The following FILIP1L variants were observed in gnomAD, a reference collection of about 807,000 sequenced individuals.
FILIP1L encodes filamin A interacting protein 1 like.
Under a neutral mutation model 96.6 loss-of-function variants are expected in FILIP1L, and 55 were observed. The ratio of observed to expected loss-of-function variants is 0.57; its 90% CI spans 0.46 to 0.71. FILIP1L has a LOEUF of 0.71. Among genes scored for constraint, FILIP1L ranks in the 30% least tolerant of loss-of-function variants. The pLI, the probability that FILIP1L is intolerant of heterozygous loss-of-function variation, is 0.00. For missense variants in FILIP1L, 1,304 were observed against 1,321.2 expected (o/e 0.99, Z 0.20); for synonymous variants, 467 against 473.9 (o/e 0.99, Z 0.19).
chr3:99,922,530 A>G (rs942166398), intron 4 of FILIP1L, among the ~76,000 whole-genome samples: 5 of 152,218 alleles, frequency 3.3e-5, no homozygotes, highest in Non-Finnish European at 7.3e-5. Context: ...AAAAATGCCT[A>G]CCATAAAGTA....
At chr3:99,846,999 C>T (rs1444228540) in intron 5 of FILIP1L, among the ~76,000 whole-genome samples, 2 of 152,126 alleles carry the variant, frequency 1.3e-5, no homozygotes, top group African/African-American at 2.4e-5. Flanking sequence ...TATGGATTAT[C>T]CCCAGGGACT....
intron 1 of FILIP1L, among the ~76,000 whole-genome samples, chr3:99,954,835 G>GA (rs575824107): frequency 0.019 from 2,721 of 145,946 alleles, 50 homozygotes; most frequent in East Asian, 0.1. Context: ...CAAAAAAAAA[G>GA]AAAAAAAAAA....
At chr3:99,980,344 A>G (rs1035059253) in intron 1 of FILIP1L, among the ~76,000 whole-genome samples, 1 of 152,150 alleles carries the variant, frequency 6.6e-6, no homozygotes, top group African/African-American at 2.4e-5. Flanking sequence ...GAAGTCTTGC[A>G]TTGGATGTTT....
intron 1 of FILIP1L, among the ~76,000 whole-genome samples, chr3:100,016,059 A>T (rs1213018800): frequency 6.6e-6 from 1 of 152,150 alleles, no homozygotes; most frequent in East Asian, 1.9e-4. Flanking sequence ...ATGACCCAAG[A>T]TTATTATTCA....
chr3:99,875,997 C>T, intron 4 of FILIP1L: 1 of 939,090 alleles, frequency 1.1e-6, no homozygotes. Flanking sequence ...GCTTTAACAG[C>T]CACCCACAGA....
Position 99,850,072 on chromosome 3 carries a change from A to G in FILIP1L, c.1604T>C (p.Val535Ala). 1 of 1,612,582 alleles carries G rather than the reference A, an allele frequency of 6.2e-7. No individual in the cohort carries two copies. Among genetic ancestry groups the G allele is most frequent in the Non-Finnish European group, 8.5e-7 (1 of 1,179,676 alleles). ...AGTTTCCTCAATTAACTTCTCAGTA[A>G]CTGTTGTTACTTTATTTTGCTCCAC... ...LQVEQNKVTT[V>A]TEKLIEETKR... The change falls in exon 5 of 6, where the codon GTT (valine) becomes GCT (alanine). Residue 535 changes from valine (V) to alanine (A), a missense_variant. By Grantham distance (64) the Val-to-Ala change is moderately conservative (BLOSUM62 0). Transcript: ENST00000477258.
chr3:99,917,529 G>A (rs1475802864), intron 4 of FILIP1L, among the ~76,000 whole-genome samples: 1 of 152,052 alleles, frequency 6.6e-6, no homozygotes, highest in Admixed American at 6.6e-5. Context: ...GGGCTTGAGA[G>A]GCCTCACTTT....
chr3:99,985,111 A>G (rs1285408884), intron 1 of FILIP1L, among the ~76,000 whole-genome samples: 11 of 152,208 alleles, frequency 7.2e-5, no homozygotes, highest in Admixed American at 7.2e-4. Flanking sequence ...AACACAGACT[A>G]CTAGAAATAA....
At chr3:99,982,676 T>A (rs540794183) in intron 1 of FILIP1L, among the ~76,000 whole-genome samples, 1 of 152,250 alleles carries the variant, frequency 6.6e-6, no homozygotes, top group African/African-American at 2.4e-5. Context: ...TATTTTTGAA[T>A]CACTGAAGTG....
chr3:99,872,017 A>G (rs1559669621), intron 4 of FILIP1L, among the ~76,000 whole-genome samples: 1 of 152,012 alleles, frequency 6.6e-6, no homozygotes, highest in East Asian at 1.9e-4. Context: ...TTATATCTAA[A>G]TTAACACCTA....
chr3:99,929,267 G>A (rs1707394183), intron 3 of FILIP1L, among the ~76,000 whole-genome samples: 1 of 152,168 alleles, frequency 6.6e-6, no homozygotes, highest in Non-Finnish European at 1.5e-5. Context: ...CTTTGCCGTT[G>A]TAATTGCTAG....
At chr3:99,882,244 G>A (rs1258960366) in intron 4 of FILIP1L, among the ~76,000 whole-genome samples, 3 of 152,016 alleles carry the variant, frequency 2.0e-5, no homozygotes, top group Non-Finnish European at 4.4e-5. Flanking sequence ...CGTCCCTTTC[G>A]GTTCCAAATT....
At chr3:100,103,451 C>T (rs114935691) in intron 1 of FILIP1L, among the ~76,000 whole-genome samples, 1,855 of 152,322 alleles carry the variant, frequency 0.012, 25 homozygotes, top group African/African-American at 0.028. Context: ...TTGCAAAATC[C>T]ACTCTAGGTG....
intron 1 of FILIP1L, among the ~76,000 whole-genome samples, chr3:100,070,291 A>G (rs1164849425): frequency 6.6e-6 from 1 of 152,228 alleles, no homozygotes; most frequent in East Asian, 1.9e-4. Flanking sequence ...GGGAAAATTG[A>G]TCACCATAAT....
rs770961757 is a variant in FILIP1L at position 99,850,675 on chromosome 3, A to G, written c.1001T>C (p.Ile334Thr). 5.0e-6 allele frequency: 8 copies of G among 1,613,964 alleles called. No individual in the cohort carries two copies. Among genetic ancestry groups the G allele is most frequent in the Non-Finnish European group, 6.8e-6 (8 of 1,179,998 alleles). The change falls in exon 5 of 6, where the codon ATT becomes ACT. Residue 334 changes from isoleucine to threonine, a missense_variant. By Grantham distance (89) the Ile-to-Thr change is moderately conservative. Coordinates refer to ENST00000477258, the MANE Select transcript of FILIP1L (RefSeq NM_001387850.1). ...QQKLAALSRQ[I>T]DELEETNRSL... ...CCTGTTTGTCTCTTCTAACTCATCA[A>G]TCTGCCGGCTGAGTGCTGCCAGCTT... is the stretch of plus-strand genomic sequence containing the variant.
chr3:99,854,975 G>C (rs1391466483), intron 4 of FILIP1L, among the ~76,000 whole-genome samples: 2 of 152,134 alleles, frequency 1.3e-5, no homozygotes, highest in Non-Finnish European at 2.9e-5. Flanking sequence ...TCTGGGGTGG[G>C]CCTCACAATT....
chr3:100,082,143 A>AATGAAATTG (rs1209612937), intron 1 of FILIP1L, among the ~76,000 whole-genome samples: 68 of 152,380 alleles, frequency 4.5e-4, no homozygotes, highest in African/African-American at 1.5e-3. Context: ...CAAAATACAA[A>AATGAAATTG]CAACTCTTTA....
At chr3:99,892,272 A>G (rs914253379) in intron 4 of FILIP1L, among the ~76,000 whole-genome samples, 3 of 152,216 alleles carry the variant, frequency 2.0e-5, no homozygotes, top group African/African-American at 7.2e-5. Context: ...AGGGCTTCAC[A>G]TCTTTGAAGA....
intron 1 of FILIP1L, among the ~76,000 whole-genome samples, chr3:100,071,650 G>A (rs2065765882): frequency 6.6e-6 from 1 of 152,110 alleles, no homozygotes; most frequent in South Asian, 2.1e-4. Flanking sequence ...TCTTTATCCT[G>A]GACAGATCTT....
Sources: allele counts gnomAD v4.1 joint callset (sites outside exome capture counted in the v4.1 genomes callset), GRCh38; gene constraint gnomAD v4.1.1; transcripts MANE v1.5; gene names NCBI Gene and HGNC (gene_info 2026-07-23, HGNC 2026-07-21).